Variants in SUSD4 observed in about 807,000 individuals in gnomAD.
SUSD4 encodes the protein sushi domain-containing protein 4.
SUSD4 carries 41 observed loss-of-function variants against 50.5 expected under a neutral mutation model. The observed-to-expected ratio is 0.81, with a 90% CI of 0.63 to 1.05. The LOEUF (loss-of-function observed/expected upper bound fraction) is 1.05. Among genes scored for constraint, SUSD4 ranks in the 50% least tolerant of loss-of-function variants. SUSD4 has a pLI of 0.00. For synonymous variants in SUSD4, 257 were observed against 257.3 expected (o/e 1.00, Z 0.01); for missense variants, 580 against 634.7 (o/e 0.91, Z 0.93).
chr1:223,246,061 T>G (rs1169871506), intron 5 of SUSD4, among the ~76,000 whole-genome samples: 1 of 151,924 alleles, frequency 6.6e-6, no homozygotes, highest in East Asian at 1.9e-4. Flanking sequence ...ATCATGAGCA[T>G]AGAAATAATC....
At chr1:223,256,575 T>C (rs530454934) in intron 5 of SUSD4, among the ~76,000 whole-genome samples, 31 of 152,300 alleles carry the variant, frequency 2.0e-4, no homozygotes, top group South Asian at 8.3e-4. Context: ...TTAGCCAGCA[T>C]TGGGGGGAGA....
intron 5 of SUSD4, among the ~76,000 whole-genome samples, chr1:223,235,496 C>A (rs1387520465): frequency 1.3e-5 from 2 of 151,976 alleles, no homozygotes; most frequent in African/African-American, 2.4e-5. Flanking sequence ...CCCCCCAAAT[C>A]CTCTGTGCTC....
intron 3 of SUSD4, among the ~76,000 whole-genome samples, chr1:223,289,535 C>T (rs1664351410): frequency 1.3e-5 from 2 of 152,144 alleles, no homozygotes; most frequent in Admixed American, 1.3e-4. Context: ...ACTTTACTGT[C>T]ATAAAGCATT....
chr1:223,302,429 G>C (rs1166499331), intron 2 of SUSD4, among the ~76,000 whole-genome samples: 1 of 152,122 alleles, frequency 6.6e-6, no homozygotes, highest in African/African-American at 2.4e-5. Context: ...CTAGACCAAG[G>C]CATCAGCACA....
At chr1:223,288,550 A>G (rs1664289129) in intron 3 of SUSD4, among the ~76,000 whole-genome samples, 1 of 152,186 alleles carries the variant, frequency 6.6e-6, no homozygotes, top group Non-Finnish European at 1.5e-5. Context: ...CCAGGAGCTG[A>G]GTGCAATTAG....
rs565738557 is a variant in SUSD4 at position 223,231,261 on chromosome 1, G to T, written c.725-1873C>A. ...CTGGACAAAGCCAGTGGGGAGCCAG[G>T]TGACAAGGGGGTCTGGGAAACAGGG... On this transcript the variant is annotated intron_variant, in intron 5 of 8. Coordinates refer to ENST00000366878, the MANE Select transcript of SUSD4 (RefSeq NM_017982.4). The surrounding 1 kb of genome is among the most constrained non-coding windows in gnomAD (Gnocchi z 4.2). 6.6e-6 allele frequency among the ~76,000 whole-genome samples: 1 copy of T among 152,166 alleles called. No homozygotes were observed. The highest frequency in any genetic ancestry group is 2.4e-5 in the African/African-American group (1 of 41,440).
chr1:223,234,926 C>A (rs770496886), intron 5 of SUSD4: 2 of 1,564,404 alleles, frequency 1.3e-6, no homozygotes, highest in Non-Finnish European at 1.7e-6. Flanking sequence ...TTAATTCAAA[C>A]GTCCTTTATT....
intron 2 of SUSD4, among the ~76,000 whole-genome samples, chr1:223,313,256 A>T (rs1055761991): frequency 6.6e-6 from 1 of 152,108 alleles, no homozygotes; most frequent in Admixed American, 6.5e-5. Flanking sequence ...GGGCATGCAG[A>T]TTGAGTCCAA....
At chr1:223,307,612 G>C (rs564600259) in intron 2 of SUSD4, among the ~76,000 whole-genome samples, 2 of 152,124 alleles carry the variant, frequency 1.3e-5, no homozygotes, top group Admixed American at 6.5e-5. Context: ...GGACTTTTGC[G>C]GGGGGATTGG....
chr1:223,247,506 C>CAGCAGCGGT (rs1396542172), intron 5 of SUSD4, among the ~76,000 whole-genome samples: 3 of 152,158 alleles, frequency 2.0e-5, no homozygotes, highest in Admixed American at 6.5e-5. Flanking sequence ...AGCCATCATC[C>CAGCAGCGGT]CTTTTTGGTA....
At chr1:223,244,586 C>T (rs181933139) in intron 5 of SUSD4, among the ~76,000 whole-genome samples, 126 of 151,696 alleles carry the variant, frequency 8.3e-4, no homozygotes, top group African/African-American at 2.9e-3. Context: ...AATGCAGGGA[C>T]CCTGCTGAGT....
Position 223,235,655 on chromosome 1 carries a change from T to C in SUSD4, c.725-6267A>G, listed in dbSNP as rs970706151. On this transcript the variant is annotated intron_variant, in intron 5 of 8. Coordinates refer to ENST00000366878, the MANE Select transcript of SUSD4 (RefSeq NM_017982.4). ...GATTGGTATCTTTCATTTAGTAATA[T>C]GCATTTGAAGTTTCTTCATATCTTT... Among the ~76,000 whole-genome samples, 6 of 152,304 alleles carry C rather than the reference T, an allele frequency of 3.9e-5. No homozygotes were observed. The East Asian group carries it at 9.6e-4, about 24-fold the overall frequency.
chr1:223,338,684 C>T (rs776687460), intron 2 of SUSD4, among the ~76,000 whole-genome samples: 1 of 152,238 alleles, frequency 6.6e-6, no homozygotes, highest in East Asian at 1.9e-4. Context: ...TGCACTTATG[C>T]GAGGAAACTG....
chr1:223,356,788 A>G (rs1424166287), intron 2 of SUSD4, among the ~76,000 whole-genome samples: 1 of 152,210 alleles, frequency 6.6e-6, no homozygotes, highest in Non-Finnish European at 1.5e-5. Context: ...GTCTCTTGAA[A>G]TTTAACAAAC....
rs753019252 is a variant in SUSD4, at chr1:223,223,407, G to C, written c.1286C>G (p.Thr429Ser). 6.2e-7 allele frequency: 1 copy of C among 1,613,910 alleles called. No individual in the cohort carries two copies. Among genetic ancestry groups the C allele is most frequent in the Admixed American group, 1.7e-5 (1 of 60,010 alleles). ...DTDTGPGESE[T>S]CDSVSGSSEL... ...AGAAGAGCCTGAGACGCTGTCACAGGTTTCTGACTCCCCTGGGCCTGTGTC... is the reference window on the plus strand; with the variant it reads ...AGAAGAGCCTGAGACGCTGTCACAGCTTTCTGACTCCCCTGGGCCTGTGTC... The change falls in exon 8 of 9, where the codon ACC becomes AGC. Residue 429 changes from threonine (T) to serine (S), a missense_variant. Coordinates refer to ENST00000366878, the MANE Select transcript of SUSD4 (RefSeq NM_017982.4).
intron 2 of SUSD4, among the ~76,000 whole-genome samples, chr1:223,314,635 T>A (rs1261098936): frequency 6.6e-6 from 1 of 152,086 alleles, no homozygotes; most frequent in East Asian, 1.9e-4. Context: ...GGCGGGTCTT[T>A]CCCGTGCTAT....
chr1:223,253,935 C>T (rs1215806039), intron 5 of SUSD4, among the ~76,000 whole-genome samples: 1 of 152,218 alleles, frequency 6.6e-6, no homozygotes, highest in Non-Finnish European at 1.5e-5. Flanking sequence ...AGTAACCTGA[C>T]ATTTAAGCAT....
chr1:223,362,927 G>GCCC (rs1277699318), intron 2 of SUSD4, among the ~76,000 whole-genome samples: 68 of 43,668 alleles, frequency 1.6e-3, no homozygotes, highest in African/African-American at 5.0e-3. Flanking sequence ...ACTCCCCACT[G>GCCC]CCCCCACCCC....
chr1:223,253,593 C>A (rs2103048415), intron 5 of SUSD4, among the ~76,000 whole-genome samples: 1 of 152,206 alleles, frequency 6.6e-6, no homozygotes, highest in South Asian at 2.1e-4. Context: ...ACCCCAAACA[C>A]CCTGCCGAAT....
Sources: allele counts gnomAD v4.1 joint callset (sites outside exome capture counted in the v4.1 genomes callset), GRCh38; gene constraint gnomAD v4.1.1; non-coding constraint Gnocchi (gnomAD v3.1); transcripts MANE v1.5; gene names NCBI Gene and HGNC (gene_info 2026-07-23, HGNC 2026-07-21).